The following SNTB1 variants were observed in gnomAD, a reference collection of about 807,000 sequenced individuals.
The protein encoded by SNTB1 is beta-1-syntrophin.
Under a neutral mutation model 48.9 loss-of-function variants are expected in SNTB1, and 36 were observed. The observed-to-expected ratio is 0.74, with a 90% CI of 0.56 to 0.97. The LOEUF is 0.97. SNTB1 is among the 50% of genes least tolerant of loss of function. The pLI, the probability that SNTB1 is intolerant of heterozygous loss-of-function variation, is 0.00. For missense variants in SNTB1, 786 were observed against 703.4 expected (o/e 1.12, Z -1.33); for synonymous variants, 299 against 294.6 (o/e 1.01, Z -0.15).
intron 2 of SNTB1, among the ~76,000 whole-genome samples, chr8:120,677,960 C>T (rs1042433393): frequency 1.6e-4 from 24 of 152,054 alleles, no homozygotes; most frequent in South Asian, 8.3e-4. Context: ...TTCCAGGTAA[C>T]ATGAAGAAAC....
rs539141616 is a variant in SNTB1, at chr8:120,714,762, G to A, written c.572-20854C>T. Among the ~76,000 whole-genome samples the A allele has an allele frequency of 6.6e-5, 10 of 152,218 alleles. No homozygotes were observed. In the South Asian group the frequency reaches 8.3e-4, roughly 13 times the overall value. On this transcript the variant is annotated intron_variant, in intron 1 of 6. Transcript: ENST00000517992. ...AGAAAGTTTATTAAAATATCACGGCGGAAGGTTTCAAGTCACATTTAGAGG... is the reference window on the plus strand; with the variant it reads ...AGAAAGTTTATTAAAATATCACGGCAGAAGGTTTCAAGTCACATTTAGAGG...
chr8:120,562,824 G>A (rs985455773), intron 4 of SNTB1, among the ~76,000 whole-genome samples: 4 of 152,076 alleles, frequency 2.6e-5, no homozygotes, highest in Admixed American at 1.3e-4. Context: ...ACCCTTCCAC[G>A]CTGTGGAAGC....
chr8:120,607,260 A>T (rs1419734018), intron 3 of SNTB1, among the ~76,000 whole-genome samples: 1 of 152,388 alleles, frequency 6.6e-6, no homozygotes, highest in Non-Finnish European at 1.5e-5. Context: ...CACAAAGAGT[A>T]TCTAAACAAA....
intron 3 of SNTB1, among the ~76,000 whole-genome samples, chr8:120,600,893 G>C (rs1025872755): frequency 6.6e-6 from 1 of 151,922 alleles, no homozygotes; most frequent in African/African-American, 2.4e-5. Flanking sequence ...GGGGCACAAT[G>C]AGAGTCCAGC....
chr8:120,585,443 A>G (rs1391285420), intron 3 of SNTB1, among the ~76,000 whole-genome samples: 1 of 152,206 alleles, frequency 6.6e-6, no homozygotes, highest in Non-Finnish European at 1.5e-5. Flanking sequence ...TTTGATCCAA[A>G]TATCTAAATT....
At chr8:120,734,946 C>G (rs1818918118) in intron 1 of SNTB1, among the ~76,000 whole-genome samples, 1 of 152,100 alleles carries the variant, frequency 6.6e-6, no homozygotes, top group South Asian at 2.1e-4. Flanking sequence ...GTTTTTCAAA[C>G]CAGCCCATAA....
chr8:120,811,925 C>T lies in SNTB1; in HGVS notation c.-82G>A. 1 of 1,284,390 alleles carries T rather than the reference C, an allele frequency of 7.8e-7. No homozygotes were observed. Among genetic ancestry groups the T allele is most frequent in the Non-Finnish European group, 9.8e-7 (1 of 1,020,302 alleles). The allele number at this position is 1,284,390 out of a possible 1,614,324, so 79.6% of individuals were successfully genotyped here. ...GGTGGCCGGGGGGAGGACGCGGGGC[C>T]CGGGGGAGCGAGGAGAGTGCGTCCC... On this transcript the variant is annotated 5_prime_UTR_variant, in exon 1 of 7. Coordinates refer to ENST00000517992, the MANE Select transcript of SNTB1 (RefSeq NM_021021.4).
rs117219561 is a variant in SNTB1 at position 120,793,574 on chromosome 8, G to A, written c.571+17699C>T. Among the ~76,000 whole-genome samples, 620 of 152,086 alleles carry A rather than the reference G, an allele frequency of 4.1e-3. 2 individuals carry two copies. The highest frequency in any genetic ancestry group is 5.4e-3 in the Non-Finnish European group (366 of 67,944). On this transcript the variant is annotated intron_variant, in intron 1 of 6. Coordinates refer to ENST00000517992, the MANE Select transcript of SNTB1 (RefSeq NM_021021.4). The stretch of plus-strand genomic sequence containing the variant: ...ATGAAGTATTCCACTCAAGGAACCA[G>A]CTCCAGTTCAAAATCTTTTTTTCTT...
At chr8:120,605,433 C>T (rs1180040189) in intron 3 of SNTB1, among the ~76,000 whole-genome samples, 1 of 152,226 alleles carries the variant, frequency 6.6e-6, no homozygotes, top group Non-Finnish European at 1.5e-5. Flanking sequence ...CCACGTCTAA[C>T]TGTGCTTTTT....
Position 120,692,391 on chromosome 8 carries a change from G to A in SNTB1, c.788+1301C>T, listed in dbSNP as rs1021488906. 2.6e-5 allele frequency among the ~76,000 whole-genome samples: 4 copies of A among 152,238 alleles called. No individual in the cohort carries two copies. The South Asian group carries it at 6.2e-4, about 24-fold the overall frequency. ...CACACATTCTAAATAAGGGCCAGTC[G>A]AGCGGTTCCTATTTTTAGCACTTTA... On this transcript the variant is annotated intron_variant, in intron 2 of 6. Coordinates refer to ENST00000517992, the MANE Select transcript of SNTB1 (RefSeq NM_021021.4).
At chr8:120,547,572 A>C (rs1815403834) in intron 5 of SNTB1, among the ~76,000 whole-genome samples, 1 of 146,112 alleles carries the variant, frequency 6.8e-6, no homozygotes, top group African/African-American at 2.5e-5. Flanking sequence ...AGCCCAGGTG[A>C]CAAGAGCAAA....
chr8:120,731,179 T>C (rs889014405), intron 1 of SNTB1, among the ~76,000 whole-genome samples: 10 of 152,078 alleles, frequency 6.6e-5, no homozygotes, highest in Non-Finnish European at 5.9e-5. Flanking sequence ...GAAGAAAAAG[T>C]ACAAGTATTT....
chr8:120,606,246 TAATA>T lies in SNTB1; in HGVS notation c.996+26194_996+26197del, dbSNP rs762500749. On this transcript the variant is annotated intron_variant, in intron 3 of 6. Transcript: ENST00000517992. ...TATAATATAATTATATATAATATAA[TAATA>T]TATAATTATTTATAACATAATTATA... Among the ~76,000 whole-genome samples, 4 of 146,316 alleles carry T rather than the reference TAATA, an allele frequency of 2.7e-5. No individual in the cohort carries two copies. In the East Asian group the frequency reaches 5.9e-4, roughly 22 times the overall value.
At chr8:120,546,619 G>A (rs1347993502) in intron 5 of SNTB1, among the ~76,000 whole-genome samples, 2 of 152,070 alleles carry the variant, frequency 1.3e-5, no homozygotes, top group African/African-American at 2.4e-5. Flanking sequence ...ACAGGCACAT[G>A]CCACGGCACC....
intron 3 of SNTB1, among the ~76,000 whole-genome samples, chr8:120,584,143 C>T (rs57854118): frequency 0.23 from 34,266 of 151,462 alleles, 4,067 homozygotes; most frequent in Middle Eastern, 0.3. Context: ...CTATCTCTAC[C>T]GAAAATACAA....
At chr8:120,631,273 C>T (rs769871119) in intron 3 of SNTB1, among the ~76,000 whole-genome samples, 37 of 152,140 alleles carry the variant, frequency 2.4e-4, no homozygotes, top group Non-Finnish European at 3.2e-4. Flanking sequence ...ATGAGGGCTA[C>T]GGGTGGTTTG....
At position 120,596,118 on chromosome 8, in the gene SNTB1, G is replaced by A. The variant is rs1029909421; in HGVS notation, c.997-20893C>T. Among the ~76,000 whole-genome samples the A allele has an allele frequency of 3.9e-5, 6 of 152,222 alleles. 1 individual carries two copies. The highest frequency in any genetic ancestry group is 3.3e-4 in the Admixed American group (5 of 15,296). Reference sequence around the variant, plus strand: ...TACATCCATACCCCCCAGGGGTAGGGGATAAAGCAGAGGGATGTGGATGGT... The same window carrying A: ...TACATCCATACCCCCCAGGGGTAGGAGATAAAGCAGAGGGATGTGGATGGT... On this transcript the variant is annotated intron_variant, in intron 3 of 6. Coordinates refer to ENST00000517992, the MANE Select transcript of SNTB1 (RefSeq NM_021021.4).
At chr8:120,746,758 A>G (rs563646325) in intron 1 of SNTB1, among the ~76,000 whole-genome samples, 17 of 152,358 alleles carry the variant, frequency 1.1e-4, no homozygotes, top group African/African-American at 4.1e-4. Flanking sequence ...ATAAACATTC[A>G]GTATTACTGG....
intron 1 of SNTB1, among the ~76,000 whole-genome samples, chr8:120,730,164 T>C (rs535427334): frequency 6.6e-6 from 1 of 152,260 alleles, no homozygotes; most frequent in Non-Finnish European, 1.5e-5. Context: ...ATTTTTATTA[T>C]GATTATTTTT....
Sources: gnomAD v4.1 joint callset for allele counts (sites outside exome capture counted in the v4.1 genomes callset) on GRCh38, gnomAD v4.1.1 for gene constraint, MANE v1.5 for transcripts, NCBI Gene and HGNC (gene_info 2026-07-23, HGNC 2026-07-21) for gene names.